The following NAV2 variants were observed in gnomAD, a reference collection of about 807,000 sequenced individuals.
NAV2 encodes the protein helicase, APC down-regulated 1.
Under a neutral mutation model 223.2 loss-of-function variants are expected in NAV2, and 54 were observed. That is an observed-to-expected ratio of 0.24 (90% CI 0.19 to 0.30). NAV2 has a LOEUF of 0.30. Ranked by LOEUF, NAV2 falls within the 10% of genes least tolerant of loss-of-function variation. NAV2 has a pLI of 1.00. For synonymous variants in NAV2, 1,279 were observed against 1,239.3 expected (o/e 1.03, Z -0.67); for missense variants, 2,806 against 3,147.5 (o/e 0.89, Z 2.60).
intron 34 of NAV2, chr11:20,104,354 C>G (rs1481511797): frequency 1.3e-5 from 2 of 153,006 alleles, no homozygotes; most frequent in African/African-American, 2.4e-5. Flanking sequence ...GTTGACTCCA[C>G]CTCTCCTGCC....
chr11:19,442,834 G>T (rs1291552702), intron 1 of NAV2, among the ~76,000 whole-genome samples: 1 of 152,206 alleles, frequency 6.6e-6, no homozygotes, highest in Non-Finnish European at 1.5e-5. Context: ...CTTCAAGAAT[G>T]TGCTTGTTTC....
Position 19,496,963 on chromosome 11 carries a change from A to G in NAV2, c.75+145936A>G, listed in dbSNP as rs78648394. Among the ~76,000 whole-genome samples the G allele has an allele frequency of 6.2e-3, 947 of 152,218 alleles. 22 individuals carry two copies. In the East Asian group the frequency reaches 0.065, roughly 10 times the overall value. ...CCTGGGGTTACCCTGGACTTTTACCATTTGTGTGTGGATACGTTACCTAAT... is the reference window on the plus strand; with the variant it reads ...CCTGGGGTTACCCTGGACTTTTACCGTTTGTGTGTGGATACGTTACCTAAT... On this transcript the variant is annotated intron_variant, in intron 1 of 37. Transcript: ENST00000360655.
In NAV2 at chr11:20,068,295, C is replaced by A. The variant is rs1244635938; in HGVS notation, c.4909-29C>A. The A allele has an allele frequency of 8.7e-6, 14 of 1,611,122 alleles. No homozygotes were observed. In the East Asian group the frequency reaches 3.1e-4, roughly 36 times the overall value. ...TCACCTTGGAAATGGACCCCCAAAGCATGTAACCCTCTCCCTTGTCATCTT... is the reference window on the plus strand; with the variant it reads ...TCACCTTGGAAATGGACCCCCAAAGAATGTAACCCTCTCCCTTGTCATCTT... On this transcript the variant is annotated intron_variant, in intron 21 of 37. Transcript: ENST00000349880.
At chr11:19,812,798 A>C (rs2058898435) in intron 1 of NAV2, among the ~76,000 whole-genome samples, 1 of 152,082 alleles carries the variant, frequency 6.6e-6, no homozygotes, top group South Asian at 2.1e-4. Flanking sequence ...GGATTTGCTT[A>C]GTTTTTCCAT....
At position 19,936,512 on chromosome 11, in the gene NAV2, G is replaced by A. The variant is rs578253411; in HGVS notation, c.2033+2235G>A. 2.7e-4 allele frequency among the ~76,000 whole-genome samples: 41 copies of A among 152,294 alleles called. 1 individual carries two copies. The highest frequency in any genetic ancestry group is 9.9e-4 in the African/African-American group (41 of 41,562). ...TGGATCTGACTAGCCCCGTTTTTAC[G>A]TTAATGCCCACTCTGGGTAACTAAC... is the stretch of plus-strand genomic sequence containing the variant. On this transcript the variant is annotated intron_variant, in intron 7 of 37. Transcript: ENST00000349880.
intron 1 of NAV2, among the ~76,000 whole-genome samples, chr11:19,822,286 A>G (rs1206547545): frequency 1.3e-5 from 2 of 152,220 alleles, no homozygotes; most frequent in Non-Finnish European, 2.9e-5. Flanking sequence ...TGCTTGGAGC[A>G]TGTTTGGAAC....
At chr11:19,728,707 A>G (rs1042039011) in intron 1 of NAV2, among the ~76,000 whole-genome samples, 2 of 152,212 alleles carry the variant, frequency 1.3e-5, no homozygotes, top group Non-Finnish European at 2.9e-5. Context: ...GCATGTGAGT[A>G]CACCGTAAAT....
At chr11:19,730,410 CT>C (rs2051654467) in intron 1 of NAV2, among the ~76,000 whole-genome samples, 1 of 152,212 alleles carries the variant, frequency 6.6e-6, no homozygotes, top group African/African-American at 2.4e-5. Flanking sequence ...TCCAGAGGGG[CT>C]TGTTGCAAAG....
chr11:19,678,959 A>G, intron 1 of NAV2, among the ~76,000 whole-genome samples: 1 of 152,252 alleles, frequency 6.6e-6, no homozygotes, highest in African/African-American at 2.4e-5. Context: ...CAGCTGTGGC[A>G]TCTGTTATGT....
At chr11:19,792,724 T>C (rs1043601076) in intron 1 of NAV2, among the ~76,000 whole-genome samples, 1 of 152,170 alleles carries the variant, frequency 6.6e-6, no homozygotes, top group Admixed American at 6.5e-5. Flanking sequence ...CTTAATACTC[T>C]TATCTCAGCA....
At position 19,379,453 on chromosome 11, in the gene NAV2, T is replaced by C. The variant is rs540457355; in HGVS notation, c.75+28426T>C. 2.0e-4 allele frequency among the ~76,000 whole-genome samples: 30 copies of C among 152,356 alleles called. No homozygotes were observed. The East Asian group carries it at 5.4e-3, about 27-fold the overall frequency. On this transcript the variant is annotated intron_variant, in intron 1 of 37. Transcript: ENST00000360655. ...GAAATTCAGAAGACATTCACATCTG[T>C]ACATCATACTTGCTTCACTGGAAAA...
rs115624296 is a variant in NAV2, at chr11:20,012,825, C to T, written c.2769-23134C>T. On this transcript the variant is annotated intron_variant, in intron 11 of 37. Transcript: ENST00000349880. ...CAATTACCAGTCTCAAGGCAAAAATCCAGAGGTGATAAAGAGTAGTTTTAA... is the reference window on the plus strand; with the variant it reads ...CAATTACCAGTCTCAAGGCAAAAATTCAGAGGTGATAAAGAGTAGTTTTAA... 9.4e-3 allele frequency among the ~76,000 whole-genome samples: 1,431 copies of T among 152,212 alleles called. 33 individuals are homozygous for T. Among genetic ancestry groups the T allele is most frequent in the African/African-American group, 0.033 (1,366 of 41,540 alleles).
chr11:19,359,480 G>C (rs1249459267), intron 1 of NAV2, among the ~76,000 whole-genome samples: 1 of 152,156 alleles, frequency 6.6e-6, no homozygotes, highest in Non-Finnish European at 1.5e-5. Flanking sequence ...TACCCAAAAG[G>C]GGATGTACTG....
chr11:19,974,085 G>A (rs918688762), intron 10 of NAV2, among the ~76,000 whole-genome samples: 4 of 152,234 alleles, frequency 2.6e-5, no homozygotes, highest in African/African-American at 9.6e-5. Flanking sequence ...AGGGGGCCAA[G>A]AGTAGTTACT....
intron 1 of NAV2, among the ~76,000 whole-genome samples, chr11:19,467,666 G>C (rs2065229320): frequency 6.6e-6 from 1 of 152,206 alleles, no homozygotes; most frequent in African/African-American, 2.4e-5. Flanking sequence ...GGACCTCTCA[G>C]ATCTGGGGCG....
intron 17 of NAV2, among the ~76,000 whole-genome samples, chr11:20,053,077 G>A (rs1024597419): frequency 9.9e-5 from 15 of 151,862 alleles, no homozygotes; most frequent in African/African-American, 3.6e-4. Context: ...AATTAGCTGG[G>A]CATGGTGGCA....
At chr11:19,420,255 A>G (rs945273236) in intron 1 of NAV2, among the ~76,000 whole-genome samples, 4 of 152,228 alleles carry the variant, frequency 2.6e-5, no homozygotes, top group African/African-American at 9.6e-5. Flanking sequence ...GCACACTAGA[A>G]TGGCTAATTA....
intron 17 of NAV2, among the ~76,000 whole-genome samples, chr11:20,052,066 C>G (rs1053046499): frequency 2.0e-5 from 3 of 152,314 alleles, no homozygotes; most frequent in Admixed American, 6.5e-5. Flanking sequence ...TAATGCCTCC[C>G]CTGTGATCTT....
intron 1 of NAV2, among the ~76,000 whole-genome samples, chr11:19,434,849 C>CTTTT (rs57000125): frequency 7.7e-6 from 1 of 129,258 alleles, no homozygotes; most frequent in African/African-American, 2.9e-5. Flanking sequence ...AAGGTTGTGG[C>CTTTT]TTTTTTTTTT....
Sources: allele counts gnomAD v4.1 joint callset (sites outside exome capture counted in the v4.1 genomes callset), GRCh38; gene constraint gnomAD v4.1.1; transcripts MANE v1.5; gene names NCBI Gene and HGNC (gene_info 2026-07-23, HGNC 2026-07-21).